The following SLC12A5 variants were observed in gnomAD, a reference collection of about 807,000 sequenced individuals.
SLC12A5 encodes the protein K-Cl cotransporter 2.
In SLC12A5, 18 loss-of-function variants were observed where a neutral mutation model predicts 124.0. The ratio of observed to expected loss-of-function variants is 0.15; its 90% CI spans 0.10 to 0.22. The LOEUF (loss-of-function observed/expected upper bound fraction) is 0.22. SLC12A5 is among the 10% of genes least tolerant of loss of function. SLC12A5 has a pLI of 1.00. For synonymous variants in SLC12A5, 589 were observed against 568.0 expected (o/e 1.04, Z -0.53); for missense variants, 867 against 1,478.7 (o/e 0.59, Z 6.78).
At chr20:46,055,940 G>C in intron 21 of SLC12A5, 1 of 620,100 alleles carries the variant, frequency 1.6e-6, no homozygotes, top group Non-Finnish European at 2.8e-6. Context: ...CCCTTTTGTT[G>C]CCAGATGAGG....
In SLC12A5 at chr20:46,053,624, A is replaced by G; in HGVS notation, c.2594A>G (p.Asp865Gly). ...CGTATCTTCACTGTGGCCCAGATGG[A>G]TGACAATAGCATCCAGATGAAGAAG... ...KMRIFTVAQM[D>G]DNSIQMKKDL... Residue 865 changes from aspartate (D) to glycine (G), a missense_variant, in exon 20 of 26, where the codon GAT becomes GGT. This residue lies in a region of SLC12A5 where 70 missense variants were observed against 157.2 expected (regional missense o/e 0.45). Coordinates refer to ENST00000243964, the MANE Select transcript of SLC12A5 (RefSeq NM_020708.5). The surrounding 1 kb of genome is among the most constrained non-coding windows in gnomAD (Gnocchi z 4.7). 6.2e-7 allele frequency: 1 copy of G among 1,614,044 alleles called. No homozygotes were observed.
rs1352219291 is a variant in SLC12A5, at chr20:46,047,477, G to T, written c.1811G>T (p.Ser604Ile). ...YHWTLSFLGM[S>I]LCLALMFICS... ...AGGACCCTCTCCTTCCTGGGCATGA[G>T]CCTCTGCCTGGCCCTCATGTTCATC... Residue 604 changes from serine to isoleucine, a missense_variant, in exon 15 of 26, where the codon AGC (serine) becomes ATC (isoleucine). Physicochemically the swap from Ser to Ile is moderately radical, Grantham distance 142. This residue lies in a region of SLC12A5 where 152 missense variants were observed against 358.7 expected (regional missense o/e 0.42). Transcript: ENST00000243964. The T allele has an allele frequency of 1.9e-6, 3 of 1,613,976 alleles. No homozygotes were observed. The African/African-American group carries it at 4.0e-5, about 22-fold the overall frequency.
Position 46,056,465 on chromosome 20 carries a change from T to A in SLC12A5, c.3011T>A (p.Val1004Glu). The A allele has an allele frequency of 1.2e-6, 2 of 1,614,034 alleles. No individual in the cohort carries two copies. The highest frequency in any genetic ancestry group is 1.7e-6 in the Non-Finnish European group (2 of 1,179,990). ...GAAGGGGAGACAGATCCGGAGAAGG[T>A]GCATCTCACCTGGACCAAGGACAAG... ...EGEGETDPEK[V>E]HLTWTKDKSV... Residue 1004 changes from valine to glutamate, a missense_variant, in exon 23 of 26, where the codon GTG (valine) becomes GAG (glutamate). Around this residue, in one of 9 missense-constraint regions of SLC12A5, gnomAD observed 180 missense variants for 243.6 expected, o/e 0.74. Coordinates refer to ENST00000243964, the MANE Select transcript of SLC12A5 (RefSeq NM_020708.5). This position sits in a 1 kb window ranked among gnomAD's most constrained non-coding sequence, Gnocchi z 4.3.
In SLC12A5 at chr20:46,046,488, C is replaced by T. The variant is rs757063439; in HGVS notation, c.1787+52C>T. ...CTGAGCCACTTGCTCACCTCCACGC[C>T]AATCCTCATCTTACTCCAGTCCATC... On this transcript the variant is annotated intron_variant, in intron 14 of 25. Coordinates refer to ENST00000243964, the MANE Select transcript of SLC12A5 (RefSeq NM_020708.5). 5.3e-6 allele frequency: 8 copies of T among 1,501,534 alleles called. No homozygotes were observed. In the African/African-American group the frequency reaches 1.1e-4, roughly 21 times the overall value. The allele number at this position is 1,501,534 out of a possible 1,614,324, so 93.0% of individuals were successfully genotyped here. A position where few individuals can be genotyped will look rare whatever the true frequency, so the allele number is the denominator to read the frequency against.
chr20:46,058,289 G>A lies in SLC12A5; in HGVS notation c.*684G>A, dbSNP rs990598587. The A allele has an allele frequency of 1.0e-5, 4 of 396,742 alleles. No individual in the cohort carries two copies. The highest frequency in any genetic ancestry group is 1.8e-5 in the Non-Finnish European group (4 of 225,152). The allele number at this position is 396,742 out of a possible 1,614,324, so 24.6% of individuals were successfully genotyped here. A position where few individuals can be genotyped will look rare whatever the true frequency, so the allele number is the denominator to read the frequency against. ...CGTCCAAGAGTTTGAGAGCGAAAGT[G>A]CTTTAGGCCCAGGCGGGGGTCGTGG... On this transcript the variant is annotated 3_prime_UTR_variant, in exon 26 of 26. Transcript: ENST00000243964. The surrounding 1 kb of genome is among the most constrained non-coding windows in gnomAD (Gnocchi z 5.8).
intron 1 of SLC12A5, among the ~76,000 whole-genome samples, chr20:46,033,219 C>A (rs140415685): frequency 2.6e-5 from 4 of 152,066 alleles, no homozygotes; most frequent in Non-Finnish European, 5.9e-5. Flanking sequence ...ATGGGGAAGA[C>A]GCAGACGGAT....
intron 1 of SLC12A5, among the ~76,000 whole-genome samples, chr20:46,032,388 G>GA (rs2084461872): frequency 6.6e-6 from 1 of 152,234 alleles, no homozygotes; most frequent in Admixed American, 6.5e-5. Context: ...ATGCTGCGGG[G>GA]AAATGGACCC....
At position 46,057,443 on chromosome 20, in the gene SLC12A5, G is replaced by A; in HGVS notation, c.3260-71G>A. 6.2e-7 allele frequency: 1 copy of A among 1,602,890 alleles called. No homozygotes were observed. Among genetic ancestry groups the A allele is most frequent in the Non-Finnish European group, 8.5e-7 (1 of 1,169,926 alleles). On this transcript the variant is annotated intron_variant, in intron 25 of 25. Transcript: ENST00000243964. This position sits in a 1 kb window ranked among gnomAD's most constrained non-coding sequence, Gnocchi z 7.1. ...GGGACACGGGCGCGAGAGGTCCCCT[G>A]GCAGCCGAGCGCGACCCCAATTTCG... is the stretch of plus-strand genomic sequence containing the variant.
In SLC12A5 at chr20:46,035,552, A is replaced by T; in HGVS notation, c.279+17A>T. ...CCGGTGCAGGTGAGGACCTCGGGGGATGAGAAATGGAAGAAAAGGGACGGA... is the reference window on the plus strand; with the variant it reads ...CCGGTGCAGGTGAGGACCTCGGGGGTTGAGAAATGGAAGAAAAGGGACGGA... On this transcript the variant is annotated intron_variant, in intron 3 of 25. Coordinates refer to ENST00000243964, the MANE Select transcript of SLC12A5 (RefSeq NM_020708.5). The T allele has an allele frequency of 8.0e-7, 1 of 1,253,968 alleles. No homozygotes were observed. The highest frequency in any genetic ancestry group is 1.1e-6 in the Non-Finnish European group (1 of 896,112). 77.7% of individuals were successfully genotyped at this position (1,253,968 alleles called of 1,614,324 possible).
Position 46,055,898 on chromosome 20 carries a change from T to C in SLC12A5, c.2788-252T>C. The C allele has an allele frequency of 7.9e-6, 4 of 509,200 alleles. No homozygotes were observed. The East Asian group carries it at 1.4e-4, about 18-fold the overall frequency. The allele number at this position is 509,200 out of a possible 1,614,324, so 31.5% of individuals were successfully genotyped here. A position where few individuals can be genotyped will look rare whatever the true frequency, so the allele number is the denominator to read the frequency against. On this transcript the variant is annotated intron_variant, in intron 21 of 25. Coordinates refer to ENST00000243964, the MANE Select transcript of SLC12A5 (RefSeq NM_020708.5). ...ACTGAGGACTGACATTGGACCATAG[T>C]GCTAGGCAGAGCCTTGCTGTGCCAA...
chr20:46,042,571 G>A (rs565269899), intron 8 of SLC12A5, among the ~76,000 whole-genome samples: 2 of 152,218 alleles, frequency 1.3e-5, no homozygotes, highest in Admixed American at 6.5e-5. Flanking sequence ...TAGAGGCCAC[G>A]ATGCTGCTAA....
At chr20:46,049,525 T>C in intron 16 of SLC12A5, 97 bp from the exon 17 acceptor site, 2 of 1,449,430 alleles carry the variant, frequency 1.4e-6, no homozygotes, top group Non-Finnish European at 1.9e-6. Context: ...CAGATGGTTA[T>C]AGAGGAGAGA....
At chr20:46,031,596 G>A (rs6104434) in intron 1 of SLC12A5, among the ~76,000 whole-genome samples, 8,252 of 152,284 alleles carry the variant, frequency 0.054, 721 homozygotes, top group African/African-American at 0.19. Context: ...CCAGGGATGT[G>A]TCCCGGTCTT....
intron 6 of SLC12A5, among the ~76,000 whole-genome samples, chr20:46,040,027 A>T (rs12625509): frequency 2.2e-4 from 33 of 152,324 alleles, no homozygotes; most frequent in Middle Eastern, 6.8e-3. Flanking sequence ...GTCATTTTTT[A>T]AAAAATGTAT....
In SLC12A5 at chr20:46,059,241, C is replaced by G; in HGVS notation, c.*1636C>G. ...TCTCACGCACCTCCCAGAGCTGGCGCCACTGAGTAATCCGGACCTCACCAC... is the reference window on the plus strand; with the variant it reads ...TCTCACGCACCTCCCAGAGCTGGCGGCACTGAGTAATCCGGACCTCACCAC... On this transcript the variant is annotated 3_prime_UTR_variant, in exon 26 of 26. Transcript: ENST00000243964. 1 of 267,186 alleles carries G rather than the reference C, an allele frequency of 3.7e-6. No individual in the cohort carries two copies. The highest frequency in any genetic ancestry group is 7.0e-6 in the Non-Finnish European group (1 of 143,454). The allele number at this position is 267,186 out of a possible 1,614,324, so 16.6% of individuals were successfully genotyped here.
chr20:46,036,963 G>A (rs1199393512), intron 5 of SLC12A5, among the ~76,000 whole-genome samples, 168 bp downstream of exon 5: 1 of 151,880 alleles, frequency 6.6e-6, no homozygotes, highest in East Asian at 1.9e-4. Flanking sequence ...GCAGCTCTCG[G>A]TGTTGAATAG....
intron 6 of SLC12A5, among the ~76,000 whole-genome samples, chr20:46,039,661 G>A (rs1481779245): frequency 2.0e-5 from 3 of 152,096 alleles, no homozygotes; most frequent in African/African-American, 7.2e-5. Flanking sequence ...TCTAATCCCA[G>A]CTACTCGGGA....
In SLC12A5 at chr20:46,059,615, G is replaced by A. The variant is rs150067894; in HGVS notation, c.*2010G>A. The A allele has an allele frequency of 2.5e-6, 1 of 398,980 alleles. No homozygotes were observed. Among genetic ancestry groups the A allele is most frequent in the African/African-American group, 2.1e-5 (1 of 48,626 alleles). The allele number at this position is 398,980 out of a possible 1,614,324, so 24.7% of individuals were successfully genotyped here. ...TGGGCCCAGATTGTCTGGTTGGCAA[G>A]AGCAAAGTTTCCGTTGATGAAACAG... On this transcript the variant is annotated 3_prime_UTR_variant, in exon 26 of 26. Transcript: ENST00000243964.
chr20:46,047,585 G>A lies in SLC12A5; in HGVS notation c.1907+12G>A, dbSNP rs747746993. 1 of 1,611,816 alleles carries A rather than the reference G, an allele frequency of 6.2e-7. No homozygotes were observed. The highest frequency in any genetic ancestry group is 8.5e-7 in the Non-Finnish European group (1 of 1,178,338). On this transcript the variant is annotated intron_variant, in intron 15 of 25. Transcript: ENST00000243964. The stretch of plus-strand genomic sequence containing the variant: ...ATTGAGTACCGTGGGTGAGTGTGGG[G>A]AGTGGAGGTTGGGGTGGCTGGGGAA...
Sources: allele counts gnomAD v4.1 joint callset (sites outside exome capture counted in the v4.1 genomes callset), GRCh38; gene constraint gnomAD v4.1.1; regional missense constraint gnomAD v4.1.1; non-coding constraint Gnocchi (gnomAD v3.1); transcripts MANE v1.5; gene names NCBI Gene and HGNC (gene_info 2026-07-23, HGNC 2026-07-21).